Variants in ITGA9 observed in about 807,000 individuals in gnomAD.
The protein encoded by ITGA9 is integrin subunit alpha 9.
ITGA9 carries 56 observed loss-of-function variants against 127.8 expected under a neutral mutation model. That is an observed-to-expected ratio of 0.44 (90% confidence interval 0.35 to 0.55). The LOEUF is 0.55. Among genes scored for constraint, ITGA9 ranks in the 20% least tolerant of loss-of-function variants. ITGA9 has a pLI of 0.00. For missense variants in ITGA9, 1,196 were observed against 1,347.1 expected (o/e 0.89, Z 1.76); for synonymous variants, 508 against 514.5 (o/e 0.99, Z 0.17).
intron 18 of ITGA9, among the ~76,000 whole-genome samples, chr3:37,719,493 C>G (rs1701168190): frequency 6.6e-6 from 1 of 152,148 alleles, no homozygotes; most frequent in Non-Finnish European, 1.5e-5. Context: ...CTCCACCAGC[C>G]CAGTTGCTTG....
intron 18 of ITGA9, 113 bp downstream of exon 18, chr3:37,684,128 C>CGATA: frequency 2.1e-6 from 2 of 973,110 alleles, no homozygotes. Flanking sequence ...TTTCTGTGGA[C>CGATA]TATCATTTAG....
intron 3 of ITGA9, 93 bp from the exon 4 acceptor site, chr3:37,481,391 C>A: frequency 1.3e-6 from 2 of 1,535,958 alleles, no homozygotes; most frequent in Non-Finnish European, 1.8e-6. Context: ...CCTCTCTTCT[C>A]CCACAGAAAG....
rs559586072 is a variant in ITGA9 at position 37,481,152 on chromosome 3, C to T, written c.421-332C>T. Among the ~76,000 whole-genome samples the T allele has an allele frequency of 3.3e-5, 5 of 152,312 alleles. No homozygotes were observed. The East Asian group carries it at 9.7e-4, about 29-fold the overall frequency. On this transcript the variant is annotated intron_variant, in intron 3 of 27. Coordinates refer to ENST00000264741, the MANE Select transcript of ITGA9 (RefSeq NM_002207.3). ...CCAGAACCCTCTTCCCCTCATGCTT[C>T]AGGCCTTCCCGACCTCTGGTGGAAA...
intron 18 of ITGA9, among the ~76,000 whole-genome samples, chr3:37,727,128 T>G (rs1457979614): frequency 2.6e-5 from 4 of 152,254 alleles, no homozygotes; most frequent in Admixed American, 1.3e-4. Flanking sequence ...ATGATGTGGC[T>G]GACGAGGTGC....
At chr3:37,668,954 T>A (rs548730969) in intron 17 of ITGA9, among the ~76,000 whole-genome samples, 1 of 152,338 alleles carries the variant, frequency 6.6e-6, no homozygotes, top group Admixed American at 6.5e-5. Flanking sequence ...AGAAAACCTC[T>A]AGATTTTATG....
chr3:37,608,623 C>G (rs1003075194), intron 15 of ITGA9, among the ~76,000 whole-genome samples: 1 of 152,088 alleles, frequency 6.6e-6, no homozygotes, highest in Non-Finnish European at 1.5e-5. Flanking sequence ...CAGTACAAAT[C>G]GTGCTGTGTT....
At chr3:37,785,614 C>T (rs1027955798) in intron 26 of ITGA9, among the ~76,000 whole-genome samples, 7 of 152,152 alleles carry the variant, frequency 4.6e-5, no homozygotes, top group Admixed American at 4.6e-4. Context: ...GCTAGGACTA[C>T]AGGCACACTA....
At chr3:37,602,569 T>C (rs1407727021) in intron 15 of ITGA9, among the ~76,000 whole-genome samples, 13 of 152,232 alleles carry the variant, frequency 8.5e-5, no homozygotes, top group Admixed American at 8.5e-4. Flanking sequence ...TTATTTATTT[T>C]TATTAAATCA....
chr3:37,505,130 CCTT>C (rs1461935147), intron 6 of ITGA9, among the ~76,000 whole-genome samples: 3 of 152,270 alleles, frequency 2.0e-5, no homozygotes, highest in African/African-American at 7.2e-5. Flanking sequence ...GCTTCTTTTG[CCTT>C]CTTGTAGGAG....
intron 9 of ITGA9, among the ~76,000 whole-genome samples, chr3:37,516,942 A>G (rs1698989310): frequency 6.6e-6 from 1 of 152,156 alleles, no homozygotes. Flanking sequence ...TGAGCCATGC[A>G]TGAATAATAG....
chr3:37,473,136 C>CAAAAAAAAAAAAAAA (rs36109791), intron 2 of ITGA9, among the ~76,000 whole-genome samples: 50 of 70,742 alleles, frequency 7.1e-4, no homozygotes, highest in East Asian at 1.0e-3. Flanking sequence ...GAGACTGTCT[C>CAAAAAAAAAAAAAAA]AAAAAAAAAA....
intron 16 of ITGA9, among the ~76,000 whole-genome samples, chr3:37,639,954 G>T (rs1021515190): frequency 2.0e-5 from 3 of 152,114 alleles, no homozygotes; most frequent in Admixed American, 6.5e-5. Context: ...CATACCAATG[G>T]TGATGACAGA....
intron 17 of ITGA9, among the ~76,000 whole-genome samples, chr3:37,665,511 G>A (rs1405688721): frequency 1.3e-5 from 2 of 151,832 alleles, no homozygotes; most frequent in African/African-American, 4.8e-5. Flanking sequence ...GTACAGTGGC[G>A]CTATCTTGGC....
At chr3:37,720,472 G>C (rs1363449432) in intron 18 of ITGA9, among the ~76,000 whole-genome samples, 1 of 152,168 alleles carries the variant, frequency 6.6e-6, no homozygotes, top group Admixed American at 6.5e-5. Context: ...TGATTCATTA[G>C]ATGGAATTCA....
At chr3:37,590,034 A>G (rs1172061854) in intron 15 of ITGA9, among the ~76,000 whole-genome samples, 3 of 152,168 alleles carry the variant, frequency 2.0e-5, no homozygotes, top group African/African-American at 7.2e-5. Context: ...TAACAGGTAG[A>G]GGTGTGCCCT....
chr3:37,591,871 G>T (rs1275008565), intron 15 of ITGA9, among the ~76,000 whole-genome samples: 1 of 152,174 alleles, frequency 6.6e-6, no homozygotes, highest in Non-Finnish European at 1.5e-5. Flanking sequence ...GCCTTGTCTG[G>T]GTCTGCATGG....
At chr3:37,529,697 A>T (rs571638935) in intron 13 of ITGA9, among the ~76,000 whole-genome samples, 3 of 152,190 alleles carry the variant, frequency 2.0e-5, no homozygotes, top group Non-Finnish European at 4.4e-5. Context: ...ACCCTCATCT[A>T]TGTGAACCCT....
chr3:37,708,495 T>C (rs1701032716), intron 18 of ITGA9, among the ~76,000 whole-genome samples: 1 of 152,184 alleles, frequency 6.6e-6, no homozygotes, highest in Non-Finnish European at 1.5e-5. Flanking sequence ...TACCCCAACC[T>C]CTGAGCGGTA....
chr3:37,539,733 C>T (rs1358389627), intron 14 of ITGA9, among the ~76,000 whole-genome samples: 1 of 152,176 alleles, frequency 6.6e-6, no homozygotes. Flanking sequence ...TACTGTGGCC[C>T]AGCCAAGTTG....
Sources: allele counts gnomAD v4.1 joint callset (sites outside exome capture counted in the v4.1 genomes callset), GRCh38; gene constraint gnomAD v4.1.1; transcripts MANE v1.5; gene names NCBI Gene and HGNC (gene_info 2026-07-23, HGNC 2026-07-21).